Variants in ASCC2 observed in about 807,000 individuals in gnomAD.
ASCC2 encodes the protein ASC-1 complex subunit P100.
ASCC2 carries 42 observed loss-of-function variants against 93.5 expected under a neutral mutation model. The observed-to-expected ratio is 0.45, with a 90% CI of 0.35 to 0.58. The LOEUF (loss-of-function observed/expected upper bound fraction) is 0.58. Ranked by LOEUF, ASCC2 falls within the 20% of genes least tolerant of loss-of-function variation. ASCC2 has a pLI of 0.00. For synonymous variants in ASCC2, 364 were observed against 384.2 expected (o/e 0.95, Z 0.62); for missense variants, 859 against 977.6 (o/e 0.88, Z 1.62).
At chr22:29,814,835 AG>A (rs1328929085) in intron 6 of ASCC2, 68 bp from the exon 7 acceptor site, 3 of 1,317,070 alleles carry the variant, frequency 2.3e-6, no homozygotes, top group African/African-American at 1.5e-5. Flanking sequence ...GGCAGCAGCC[AG>A]GGTCAGGTGA....
Position 29,825,854 on chromosome 22 carries a change from T to C in ASCC2, c.82-74A>G, listed in dbSNP as rs2062234752. Reference sequence around the variant, plus strand: ...GGGCCCATTTGCCAACCCACAGCAATGACAACACTTGGCTGTTCCAACCGG... The same window carrying C: ...GGGCCCATTTGCCAACCCACAGCAACGACAACACTTGGCTGTTCCAACCGG... On this transcript the variant is annotated intron_variant, in intron 2 of 19. Coordinates refer to ENST00000307790, the MANE Select transcript of ASCC2 (RefSeq NM_032204.5). The surrounding 1 kb of genome is among the most constrained non-coding windows in gnomAD (Gnocchi z 4.9). The C allele has an allele frequency of 6.6e-7, 1 of 1,518,522 alleles. No homozygotes were observed. The allele number at this position is 1,518,522 out of a possible 1,614,324, so 94.1% of individuals were successfully genotyped here. A position where few individuals can be genotyped will look rare whatever the true frequency, so the allele number is the denominator to read the frequency against.
intron 15 of ASCC2, 30 bp downstream of exon 15, chr22:29,800,961 T>C: frequency 6.4e-7 from 1 of 1,554,584 alleles, no homozygotes. Context: ...AGAGTTGGGG[T>C]ATCGGAACCC....
chr22:29,790,046 T>C (rs1002728256), intron 19 of ASCC2, among the ~76,000 whole-genome samples: 1 of 152,222 alleles, frequency 6.6e-6, no homozygotes, highest in Non-Finnish European at 1.5e-5. Context: ...CCAACTCAAG[T>C]GCCCGTCACT....
intron 8 of ASCC2, among the ~76,000 whole-genome samples, chr22:29,811,970 A>T (rs553013349): frequency 6.6e-6 from 1 of 152,232 alleles, no homozygotes; most frequent in Non-Finnish European, 1.5e-5. Flanking sequence ...TTTTATCATG[A>T]GAAAAGATAC....
intron 1 of ASCC2, 111 bp downstream of exon 1, chr22:29,838,067 G>A (rs868494584): frequency 4.7e-6 from 2 of 427,994 alleles, no homozygotes; most frequent in Non-Finnish European, 9.3e-6. Context: ...CGTAAGCGTG[G>A]GCCCCGCAAT....
At chr22:29,834,813 G>C (rs1159351086) in intron 1 of ASCC2, among the ~76,000 whole-genome samples, 1 of 150,004 alleles carries the variant, frequency 6.7e-6, no homozygotes, top group African/African-American at 2.5e-5. Flanking sequence ...AGGGCACCTG[G>C]GGCTCTTGTG....
chr22:29,819,057 T>C (rs2061239380), intron 5 of ASCC2, among the ~76,000 whole-genome samples: 1 of 152,210 alleles, frequency 6.6e-6, no homozygotes, highest in African/African-American at 2.4e-5. Flanking sequence ...TGCTCCAAGC[T>C]CCTGGAGGCT....
At chr22:29,800,919 C>G in intron 15 of ASCC2, 72 bp downstream of exon 15, 1 of 1,501,582 alleles carries the variant, frequency 6.7e-7, no homozygotes, top group Non-Finnish European at 9.0e-7. Context: ...AAGATGGAGC[C>G]CTTGGTTTCC....
At chr22:29,810,754 A>G (rs1288832515) in intron 8 of ASCC2, among the ~76,000 whole-genome samples, 1 of 149,822 alleles carries the variant, frequency 6.7e-6, no homozygotes, top group Admixed American at 6.6e-5. Flanking sequence ...TTTTTTTGAG[A>G]CAGTCTCGCT....
rs1168006731 is a variant in ASCC2, at chr22:29,822,326, C to T, written c.541+9G>A. The stretch of plus-strand genomic sequence containing the variant: ...TTGGTGCATCCTCCCAGTCCTGCAT[C>T]CTACACACCTATCATCTTCTGGAGC... On this transcript the variant is annotated intron_variant, in intron 5 of 19. Transcript: ENST00000307790. The T allele has an allele frequency of 6.2e-7, 1 of 1,613,742 alleles. No homozygotes were observed. Among genetic ancestry groups the T allele is most frequent in the Non-Finnish European group, 8.5e-7 (1 of 1,179,778 alleles).
chr22:29,806,679 T>C, intron 10 of ASCC2, 118 bp downstream of exon 10: 1 of 1,415,012 alleles, frequency 7.1e-7, no homozygotes, highest in Non-Finnish European at 9.9e-7. Context: ...TCTTGGTTTC[T>C]CATCTCTGTT....
chr22:29,822,090 A>T (rs778823732), intron 5 of ASCC2: 5 of 481,378 alleles, frequency 1.0e-5, no homozygotes, highest in South Asian at 9.8e-5. Context: ...AAAAAAACAA[A>T]AACAAAAAAT....
chr22:29,798,329 G>A (rs748334204), intron 15 of ASCC2, among the ~76,000 whole-genome samples: 2 of 151,342 alleles, frequency 1.3e-5, no homozygotes, highest in Non-Finnish European at 2.9e-5. Flanking sequence ...GAGATATGAG[G>A]GGTATTGGAG....
At chr22:29,798,286 C>A (rs557167339) in intron 15 of ASCC2, among the ~76,000 whole-genome samples, 2 of 152,250 alleles carry the variant, frequency 1.3e-5, no homozygotes, top group South Asian at 4.2e-4. Context: ...CCTGGAGCTC[C>A]AGGCCTGCAC....
intron 19 of ASCC2, 31 bp downstream of exon 19, chr22:29,790,437 GT>G: frequency 6.2e-7 from 1 of 1,612,386 alleles, no homozygotes. Context: ...GGTGGGAGGG[GT>G]CCCCCCAGAA....
chr22:29,825,112 C>A lies in ASCC2; in HGVS notation c.386G>T (p.Arg129Leu), dbSNP rs745399329. 2.0e-6 allele frequency: 3 copies of A among 1,510,704 alleles called. No individual in the cohort carries two copies. The highest frequency in any genetic ancestry group is 2.7e-6 in the Non-Finnish European group (3 of 1,127,980). 93.6% of individuals were successfully genotyped at this position (1,510,704 alleles called of 1,614,324 possible). Reference protein sequence around the residue: ...LHRSVFLTFLRMSTHKESKDH... With the variant: ...LHRSVFLTFLLMSTHKESKDH... Reference sequence around the variant, plus strand: ...TTTGGATTCCTTGTGAGTGGACATGCGGAGGAAGGTGAGAAAAACACTTCG... The same window carrying A: ...TTTGGATTCCTTGTGAGTGGACATGAGGAGGAAGGTGAGAAAAACACTTCG... Residue 129 changes from arginine (R) to leucine (L), a missense_variant, in exon 4 of 20, where the codon CGC (arginine) becomes CTC (leucine). Physicochemically the swap from Arg to Leu is moderately radical, Grantham distance 102 (BLOSUM62 -2). Transcript: ENST00000307790. The surrounding 1 kb of genome is among the most constrained non-coding windows in gnomAD (Gnocchi z 4.9).
chr22:29,817,858 G>A (rs2061047321), intron 5 of ASCC2, among the ~76,000 whole-genome samples: 1 of 152,164 alleles, frequency 6.6e-6, no homozygotes, highest in Admixed American at 6.5e-5. Context: ...TCCCTTCTCA[G>A]ATGAAAGCAG....
At chr22:29,792,332 G>A in intron 18 of ASCC2, 101 bp downstream of exon 18, 1 of 1,544,334 alleles carries the variant, frequency 6.5e-7, no homozygotes, top group Non-Finnish European at 8.7e-7. Context: ...AGTGATGCTG[G>A]GGCTGCCTCA....
intron 15 of ASCC2, among the ~76,000 whole-genome samples, 168 bp downstream of exon 15, chr22:29,800,823 A>G (rs187103317): frequency 1.8e-4 from 27 of 152,310 alleles, no homozygotes; most frequent in African/African-American, 5.1e-4. Flanking sequence ...CCTGATCAGT[A>G]GAGAACCTGC....
Sources: gnomAD v4.1 joint callset for allele counts (sites outside exome capture counted in the v4.1 genomes callset) on GRCh38, gnomAD v4.1.1 for gene constraint, Gnocchi (gnomAD v3.1) non-coding constraint, MANE v1.5 for transcripts, NCBI Gene and HGNC (gene_info 2026-07-23, HGNC 2026-07-21) for gene names.